The following ADAM22 variants were observed in gnomAD, a reference collection of about 807,000 sequenced individuals.
The protein encoded by ADAM22 is disintegrin and metalloproteinase domain-containing protein 22.
In ADAM22, 65 loss-of-function variants were observed where a neutral mutation model predicts 144.6. That is an observed-to-expected ratio of 0.45 (90% CI 0.37 to 0.55). The LOEUF (loss-of-function observed/expected upper bound fraction) is 0.55, where lower values mean the gene tolerates loss of function less well. Ranked by LOEUF, ADAM22 falls within the 20% of genes least tolerant of loss-of-function variation. The pLI, the probability that ADAM22 is intolerant of heterozygous loss-of-function variation, is 0.00. For missense variants in ADAM22, 974 were observed against 1,184.9 expected (o/e 0.82, Z 2.61); for synonymous variants, 391 against 412.6 (o/e 0.95, Z 0.63).
At chr7:88,145,633 G>T (rs1836172907) in intron 17 of ADAM22, 126 bp downstream of exon 17, 1 of 691,650 alleles carries the variant, frequency 1.4e-6, no homozygotes, top group African/African-American at 1.8e-5. Context: ...TAAGTGCCAG[G>T]TGCTTTATAG....
At chr7:88,114,784 C>G in intron 6 of ADAM22, 137 bp downstream of exon 6, 1 of 727,006 alleles carries the variant, frequency 1.4e-6, no homozygotes, top group Non-Finnish European at 2.2e-6. Flanking sequence ...TACAGATGCT[C>G]CTCAACTTAT....
At chr7:87,977,769 A>T (rs1852249556) in intron 2 of ADAM22, among the ~76,000 whole-genome samples, 1 of 152,112 alleles carries the variant, frequency 6.6e-6, no homozygotes, top group South Asian at 2.1e-4. Context: ...ACATTTTGAT[A>T]GGTGATATTG....
chr7:87,972,489 G>A (rs1302312491), intron 2 of ADAM22, among the ~76,000 whole-genome samples: 4 of 151,626 alleles, frequency 2.6e-5, no homozygotes, highest in East Asian at 1.9e-4. Context: ...AATCAATATC[G>A]TGAAAATGGC....
chr7:87,987,449 G>A (rs1173252651), intron 3 of ADAM22, among the ~76,000 whole-genome samples: 1 of 152,132 alleles, frequency 6.6e-6, no homozygotes, highest in Non-Finnish European at 1.5e-5. Flanking sequence ...AAAGTGCTGG[G>A]ATTACAGGCG....
At chr7:88,020,109 A>G (rs1797472449) in intron 3 of ADAM22, among the ~76,000 whole-genome samples, 1 of 152,072 alleles carries the variant, frequency 6.6e-6, no homozygotes, top group African/African-American at 2.4e-5. Context: ...GGCTTTGCTG[A>G]TATACCTGTG....
At chr7:88,040,059 AC>A (rs1802724766) in intron 3 of ADAM22, among the ~76,000 whole-genome samples, 1 of 151,602 alleles carries the variant, frequency 6.6e-6, no homozygotes, top group Non-Finnish European at 1.5e-5. Flanking sequence ...TCCCCACACC[AC>A]CAGTTCCTAT....
At chr7:88,166,236 T>G (rs1176662921) in intron 24 of ADAM22, among the ~76,000 whole-genome samples, 1 of 152,192 alleles carries the variant, frequency 6.6e-6, no homozygotes. Context: ...AATGTGGAAG[T>G]AGTCATAACT....
chr7:88,176,533 C>G (rs1044242947), intron 26 of ADAM22, among the ~76,000 whole-genome samples: 1 of 152,108 alleles, frequency 6.6e-6, no homozygotes, highest in Non-Finnish European at 1.5e-5. Flanking sequence ...AGAGAAGTTA[C>G]ATTGAAGGGA....
At chr7:88,038,267 T>A (rs1043135516) in intron 3 of ADAM22, among the ~76,000 whole-genome samples, 10 of 152,192 alleles carry the variant, frequency 6.6e-5, no homozygotes, top group African/African-American at 2.2e-4. Context: ...TATTAAAAAT[T>A]AGCAATGAGC....
chr7:88,059,950 C>G (rs112881715), intron 3 of ADAM22, among the ~76,000 whole-genome samples: 2 of 151,932 alleles, frequency 1.3e-5, no homozygotes, highest in East Asian at 3.9e-4. Flanking sequence ...TCAGTAAAAG[C>G]CAAACCTCTT....
At chr7:87,953,818 G>A (rs1584554365) in intron 2 of ADAM22, among the ~76,000 whole-genome samples, 1 of 152,126 alleles carries the variant, frequency 6.6e-6, no homozygotes, top group East Asian at 1.9e-4. Flanking sequence ...TTATGAATCT[G>A]GGTGCTCCTG....
intron 4 of ADAM22, among the ~76,000 whole-genome samples, chr7:88,099,248 A>G (rs766224732): frequency 6.6e-6 from 1 of 152,188 alleles, no homozygotes. Flanking sequence ...AGCTTGCTGC[A>G]GTTTTATCTA....
intron 2 of ADAM22, among the ~76,000 whole-genome samples, chr7:87,966,811 C>A (rs1454848998): frequency 2.5e-5 from 3 of 120,428 alleles, no homozygotes; most frequent in Non-Finnish European, 4.8e-5. Context: ...ATGATGTAAT[C>A]TCTGTCCTAG....
rs117737256 is a variant in ADAM22 at position 88,119,823 on chromosome 7, C to T, written c.607+3009C>T. Among the ~76,000 whole-genome samples, 15 of 152,274 alleles carry T rather than the reference C, an allele frequency of 9.9e-5. No homozygotes were observed. The East Asian group carries it at 2.9e-3, about 29-fold the overall frequency. ...ATTTTTAACTTATTAAGTTGATGGA[C>T]ATTTAGGTTGTTTCCGGTTTTTGAC... On this transcript the variant is annotated intron_variant, in intron 7 of 31. Coordinates refer to ENST00000413139, the MANE Select transcript of ADAM22 (RefSeq NM_001324418.2).
chr7:88,146,388 T>C (rs975616492), intron 17 of ADAM22, among the ~76,000 whole-genome samples: 3 of 152,262 alleles, frequency 2.0e-5, no homozygotes, highest in Non-Finnish European at 4.4e-5. Context: ...ATCTACTGTG[T>C]GCCAGAGATT....
At chr7:88,083,801 G>A (rs1005245599) in intron 4 of ADAM22, among the ~76,000 whole-genome samples, 3 of 152,054 alleles carry the variant, frequency 2.0e-5, no homozygotes, top group Non-Finnish European at 2.9e-5. Context: ...ATTCGGAACT[G>A]AAGATTGGTG....
At chr7:88,183,653 C>T (rs7792913) in intron 29 of ADAM22, among the ~76,000 whole-genome samples, 43,573 of 151,446 alleles carry the variant, frequency 0.29, 8,297 homozygotes, top group East Asian at 0.54. Flanking sequence ...TATGACATTA[C>T]AATAGGATCA....
At chr7:88,064,225 A>G (rs897316345) in intron 3 of ADAM22, among the ~76,000 whole-genome samples, 2 of 152,236 alleles carry the variant, frequency 1.3e-5, no homozygotes, top group East Asian at 1.9e-4. Flanking sequence ...ATGTAGCTAC[A>G]TATGTAGAAA....
intron 7 of ADAM22, among the ~76,000 whole-genome samples, chr7:88,119,847 A>T (rs1490364767): frequency 6.6e-6 from 1 of 152,234 alleles, no homozygotes; most frequent in East Asian, 1.9e-4. Flanking sequence ...CCGGTTTTTG[A>T]CTATTATGAG....
Sources: gnomAD v4.1 joint callset for allele counts (sites outside exome capture counted in the v4.1 genomes callset) on GRCh38, gnomAD v4.1.1 for gene constraint, MANE v1.5 for transcripts, NCBI Gene and HGNC (gene_info 2026-07-23, HGNC 2026-07-21) for gene names.